SMC5: variants seen among roughly 807,000 people sequenced by gnomAD.
SMC5 encodes the protein structural maintenance of chromosomes protein 5.
SMC5 carries 88 observed loss-of-function variants against 148.3 expected under a neutral mutation model. The observed-to-expected ratio is 0.59, with a 90% CI of 0.50 to 0.71. The LOEUF is 0.71. Ranked by LOEUF, SMC5 falls within the 30% of genes least tolerant of loss-of-function variation. The pLI, the probability that SMC5 is intolerant of heterozygous loss-of-function variation, is 0.00. For missense variants in SMC5, 1,142 were observed against 1,298.9 expected (o/e 0.88, Z 1.86); for synonymous variants, 421 against 432.8 (o/e 0.97, Z 0.34).
intron 8 of SMC5, among the ~76,000 whole-genome samples, chr9:70,289,030 T>TTTG (rs942060955): frequency 5.5e-4 from 84 of 151,948 alleles, no homozygotes; most frequent in Middle Eastern, 3.4e-3. Flanking sequence ...TGATTTAGTT[T>TTTG]TTGTTGTTGT....
chr9:70,299,945 G>T, intron 9 of SMC5, 101 bp from the exon 10 acceptor site: 2 of 1,084,086 alleles, frequency 1.8e-6, no homozygotes, highest in South Asian at 2.0e-5. Flanking sequence ...AGTGGTGTTT[G>T]TAACCTTTAG....
At chr9:70,287,167 A>G (rs1182126139) in intron 8 of SMC5, among the ~76,000 whole-genome samples, 1 of 152,184 alleles carries the variant, frequency 6.6e-6, no homozygotes, top group Non-Finnish European at 1.5e-5. Context: ...TCTTGTTTCA[A>G]TTTGTAGTAT....
At chr9:70,267,543 G>A (rs1189699095) in intron 2 of SMC5, among the ~76,000 whole-genome samples, 2 of 152,126 alleles carry the variant, frequency 1.3e-5, no homozygotes, top group East Asian at 3.9e-4. Context: ...TTATACTATA[G>A]GACCTGTTTT....
intron 15 of SMC5, among the ~76,000 whole-genome samples, chr9:70,322,015 A>ACTT (rs1385257993): frequency 6.6e-6 from 1 of 152,212 alleles, no homozygotes; most frequent in Non-Finnish European, 1.5e-5. Flanking sequence ...GTTTACCTTG[A>ACTT]CTTAATATCG....
intron 1 of SMC5, among the ~76,000 whole-genome samples, chr9:70,260,230 G>A (rs939203474): frequency 6.6e-6 from 1 of 152,098 alleles, no homozygotes. Flanking sequence ...TCAGCCTCCC[G>A]CGTAGCTGGG....
At chr9:70,302,019 C>T (rs1360483993) in intron 10 of SMC5, among the ~76,000 whole-genome samples, 1 of 152,172 alleles carries the variant, frequency 6.6e-6, no homozygotes, top group Non-Finnish European at 1.5e-5. Context: ...ATTCCCTGAA[C>T]TCACAAACAG....
intron 7 of SMC5, among the ~76,000 whole-genome samples, 173 bp downstream of exon 7, chr9:70,282,756 G>C (rs2034786479): frequency 1.3e-5 from 2 of 152,070 alleles, no homozygotes; most frequent in African/African-American, 4.8e-5. Flanking sequence ...TTATTACTGT[G>C]GAAGTGTTGC....
intron 5 of SMC5, 31 bp downstream of exon 5, chr9:70,278,656 T>G (rs758826377): frequency 6.4e-7 from 1 of 1,573,048 alleles, no homozygotes; most frequent in Non-Finnish European, 8.6e-7. Context: ...ATTTGTATTG[T>G]TTCTTATTGA....
chr9:70,316,453 TA>T (rs35860499), intron 13 of SMC5, among the ~76,000 whole-genome samples: 32,661 of 141,528 alleles, frequency 0.23, 3,642 homozygotes, highest in South Asian at 0.29. Flanking sequence ...ACAAGTTACT[TA>T]ACAGTAACTT....
intron 22 of SMC5, 73 bp from the exon 23 acceptor site, chr9:70,350,041 A>C (rs1333216975): frequency 9.0e-7 from 1 of 1,105,470 alleles, no homozygotes. Flanking sequence ...CAGTTAATTC[A>C]ATCCATTTTC....
At chr9:70,305,413 CT>C in intron 11 of SMC5, 53 bp downstream of exon 11, 1 of 1,093,126 alleles carries the variant, frequency 9.1e-7, no homozygotes, top group Non-Finnish European at 1.4e-6. Context: ...ACTTTCAGCA[CT>C]TGAAGTTTTA....
intron 17 of SMC5, among the ~76,000 whole-genome samples, chr9:70,324,809 T>C (rs2036035650): frequency 6.6e-6 from 1 of 152,150 alleles, no homozygotes. Context: ...AAAGCACTAT[T>C]CTTAACGATT....
chr9:70,297,744 G>T (rs1452443084), intron 8 of SMC5, among the ~76,000 whole-genome samples: 2 of 152,126 alleles, frequency 1.3e-5, no homozygotes, highest in Non-Finnish European at 2.9e-5. Flanking sequence ...TATATAGTGA[G>T]CACCACTTAA....
At chr9:70,306,731 A>G (rs2035509758) in intron 11 of SMC5, among the ~76,000 whole-genome samples, 1 of 152,262 alleles carries the variant, frequency 6.6e-6, no homozygotes, top group Non-Finnish European at 1.5e-5. Flanking sequence ...GATACAATAT[A>G]GATTCCTGAT....
intron 24 of SMC5, among the ~76,000 whole-genome samples, chr9:70,350,918 G>T (rs146728969): frequency 1.7e-4 from 26 of 152,216 alleles, no homozygotes; most frequent in Non-Finnish European, 1.5e-4. Context: ...AATTATCTTT[G>T]TAGATAATTT....
At position 70,352,513 on chromosome 9, in the gene SMC5, A is replaced by G; in HGVS notation, c.*182A>G. ...CCTTTCCAAAATAGCAGCTGGTAGT[A>G]AAAGTTAAGTCTTCTTCAGTCTTGG... On this transcript the variant is annotated 3_prime_UTR_variant, in exon 25 of 25. Transcript: ENST00000361138. 3.6e-6 allele frequency: 2 copies of G among 554,600 alleles called. No homozygotes were observed. The highest frequency in any genetic ancestry group is 6.1e-6 in the Non-Finnish European group (2 of 330,304). The allele number at this position is 554,600 out of a possible 1,614,324, so 34.4% of individuals were successfully genotyped here.
chr9:70,319,509 TGA>T (rs1285719661), intron 15 of SMC5, among the ~76,000 whole-genome samples: 1 of 152,170 alleles, frequency 6.6e-6, no homozygotes, highest in East Asian at 1.9e-4. Context: ...GTGAGATGTT[TGA>T]GTTGAAGTAT....
chr9:70,274,565 A>T (rs184195470), intron 3 of SMC5, among the ~76,000 whole-genome samples: 198 of 150,438 alleles, frequency 1.3e-3, no homozygotes, highest in African/African-American at 4.6e-3. Flanking sequence ...GTATAGCTGT[A>T]TTATTTTTTC....
intron 11 of SMC5, 148 bp from the exon 12 acceptor site, chr9:70,314,594 A>G: frequency 2.5e-6 from 1 of 404,656 alleles, no homozygotes; most frequent in South Asian, 1.2e-4. Context: ...TTATCACAGT[A>G]AAAAAATTTA....
Sources: allele counts gnomAD v4.1 joint callset (sites outside exome capture counted in the v4.1 genomes callset), GRCh38; gene constraint gnomAD v4.1.1; transcripts MANE v1.5; gene names NCBI Gene and HGNC (gene_info 2026-07-23, HGNC 2026-07-21).